CAMK4: variants seen among roughly 807,000 people sequenced by gnomAD.
CAMK4 encodes the protein calcium/calmodulin-dependent protein kinase type IV.
In CAMK4, 22 loss-of-function variants were observed where a neutral mutation model predicts 44.9. The observed-to-expected ratio is 0.49, with a 90% CI of 0.35 to 0.70. CAMK4 has a LOEUF of 0.70. Ranked by LOEUF, CAMK4 falls within the 30% of genes least tolerant of loss-of-function variation. The pLI, the probability that CAMK4 is intolerant of heterozygous loss-of-function variation, is 0.01. For missense variants in CAMK4, 498 were observed against 586.8 expected (o/e 0.85, Z 1.56); for synonymous variants, 218 against 215.4 (o/e 1.01, Z -0.11).
At chr5:111,265,654 G>A (rs1305866788) in intron 1 of CAMK4, among the ~76,000 whole-genome samples, 4 of 152,046 alleles carry the variant, frequency 2.6e-5, no homozygotes, top group Non-Finnish European at 4.4e-5. Context: ...CAATCTTCAA[G>A]GAATGCAAAA....
At chr5:111,264,034 C>A (rs1177234176) in intron 1 of CAMK4, among the ~76,000 whole-genome samples, 2 of 152,198 alleles carry the variant, frequency 1.3e-5, no homozygotes, top group African/African-American at 4.8e-5. Flanking sequence ...TTACTACTTT[C>A]CTAGGGCATT....
chr5:111,257,441 T>A (rs1749789893), intron 1 of CAMK4, among the ~76,000 whole-genome samples: 1 of 152,212 alleles, frequency 6.6e-6, no homozygotes, highest in Non-Finnish European at 1.5e-5. Flanking sequence ...CAAGACCACA[T>A]TGAGATATCA....
intron 4 of CAMK4, among the ~76,000 whole-genome samples, chr5:111,379,805 TATTTA>T (rs754021422): frequency 9.9e-5 from 15 of 152,130 alleles, no homozygotes; most frequent in Non-Finnish European, 2.1e-4. Context: ...AAAAAGGTTG[TATTTA>T]ATTAGCAAAA....
intron 5 of CAMK4, among the ~76,000 whole-genome samples, chr5:111,425,858 A>G (rs1317188107): frequency 1.3e-5 from 2 of 152,200 alleles, no homozygotes. Context: ...GAATTTTATT[A>G]ATAGCTTTGA....
intron 7 of CAMK4, among the ~76,000 whole-genome samples, chr5:111,461,813 TAAAAAA>T (rs3066731): frequency 1.0e-4 from 7 of 69,170 alleles, no homozygotes; most frequent in Non-Finnish European, 2.0e-4. Flanking sequence ...GCCTCTATAG[TAAAAAA>T]AAAAAAAAAA....
chr5:111,430,440 A>G (rs1298767022), intron 5 of CAMK4, among the ~76,000 whole-genome samples: 2 of 152,252 alleles, frequency 1.3e-5, no homozygotes, highest in Non-Finnish European at 2.9e-5. Context: ...GTTATTTAAC[A>G]TAGTACTGGC....
At chr5:111,228,504 T>TA (rs1364128075) in intron 1 of CAMK4, among the ~76,000 whole-genome samples, 1 of 108,500 alleles carries the variant, frequency 9.2e-6, no homozygotes, top group Non-Finnish European at 1.8e-5. Flanking sequence ...ATTTCCATAG[T>TA]AAGGGGTGTG....
intron 4 of CAMK4, among the ~76,000 whole-genome samples, chr5:111,387,348 A>G (rs940487718): frequency 2.0e-5 from 3 of 152,222 alleles, no homozygotes; most frequent in Non-Finnish European, 4.4e-5. Context: ...GCTAAATTGT[A>G]TAAAGAAATT....
chr5:111,460,265 CT>C (rs200566906), intron 7 of CAMK4, among the ~76,000 whole-genome samples: 4 of 122,714 alleles, frequency 3.3e-5, no homozygotes, highest in African/African-American at 1.2e-4. Context: ...CTTTTCTTTT[CT>C]TTTTCTTTTT....
intron 1 of CAMK4, among the ~76,000 whole-genome samples, chr5:111,332,864 C>T (rs1749230555): frequency 6.6e-6 from 1 of 151,718 alleles, no homozygotes; most frequent in Non-Finnish European, 1.5e-5. Context: ...AAAGAATATT[C>T]ATTAAATTTT....
At chr5:111,373,938 A>C (rs1320293166) in intron 2 of CAMK4, among the ~76,000 whole-genome samples, 1 of 152,156 alleles carries the variant, frequency 6.6e-6, no homozygotes, top group Non-Finnish European at 1.5e-5. Context: ...TTGTGATTAA[A>C]GGGGTCAATC....
Position 111,224,968 on chromosome 5 carries a change from T to C in CAMK4, c.161+324T>C, listed in dbSNP as rs1057140027. On this transcript the variant is annotated intron_variant, in intron 1 of 10. Coordinates refer to ENST00000282356, the MANE Select transcript of CAMK4 (RefSeq NM_001744.6). This position sits in a 1 kb window ranked among gnomAD's most constrained non-coding sequence, Gnocchi z 5.7. ...TCCCAATTGATATCTTTGCTCACGA[T>C]TATAGCTTGCCAGAGGGTCCTGTTT... Among the ~76,000 whole-genome samples, 2 of 151,946 alleles carry C rather than the reference T, an allele frequency of 1.3e-5. No homozygotes were observed. Among genetic ancestry groups the C allele is most frequent in the African/African-American group, 2.4e-5 (1 of 41,378 alleles).
intron 2 of CAMK4, among the ~76,000 whole-genome samples, chr5:111,374,154 G>A (rs1489012536): frequency 6.6e-6 from 1 of 152,118 alleles, no homozygotes; most frequent in Non-Finnish European, 1.5e-5. Flanking sequence ...ACTGAATCTA[G>A]GGGCTTAAAT....
At chr5:111,401,584 C>A (rs1752229790) in intron 5 of CAMK4, among the ~76,000 whole-genome samples, 1 of 151,820 alleles carries the variant, frequency 6.6e-6, no homozygotes, top group Non-Finnish European at 1.5e-5. Flanking sequence ...GATGAAATTG[C>A]AAAAGCTCCT....
Position 111,458,733 on chromosome 5 carries a change from T to A in CAMK4, c.625+9530T>A, listed in dbSNP as rs78962333. Among the ~76,000 whole-genome samples the A allele has an allele frequency of 5.1e-3, 779 of 152,108 alleles. 10 individuals are homozygous for A. Among genetic ancestry groups the A allele is most frequent in the African/African-American group, 0.017 (718 of 41,522 alleles). On this transcript the variant is annotated intron_variant, in intron 7 of 10. Transcript: ENST00000282356. Reference sequence around the variant, plus strand: ...AGAATGGAATATATAAGCAAAAATTTGAGAGAGGAGAGAGCAAACCACATA... The same window carrying A: ...AGAATGGAATATATAAGCAAAAATTAGAGAGAGGAGAGAGCAAACCACATA...
intron 2 of CAMK4, among the ~76,000 whole-genome samples, chr5:111,361,481 C>G (rs919082776): frequency 1.3e-5 from 2 of 151,922 alleles, no homozygotes; most frequent in Non-Finnish European, 2.9e-5. Flanking sequence ...ATTTAAAAAT[C>G]TTGGTCATAT....
chr5:111,472,055 G>C (rs994817546), intron 7 of CAMK4, among the ~76,000 whole-genome samples: 1 of 151,978 alleles, frequency 6.6e-6, no homozygotes, highest in Non-Finnish European at 1.5e-5. Context: ...ACCATGCCTG[G>C]CTAATTTTTT....
chr5:111,398,008 G>A (rs1580699890), intron 5 of CAMK4, among the ~76,000 whole-genome samples: 3 of 152,108 alleles, frequency 2.0e-5, no homozygotes, highest in Admixed American at 2.0e-4. Context: ...CAGGAAGAGT[G>A]TACTGTAAGG....
At chr5:111,240,813 T>C (rs1257153111) in intron 1 of CAMK4, among the ~76,000 whole-genome samples, 2 of 152,208 alleles carry the variant, frequency 1.3e-5, no homozygotes, top group African/African-American at 4.8e-5. Context: ...TATAGGGCAA[T>C]GCTAAGAGTC....
Sources: allele counts gnomAD v4.1 joint callset (sites outside exome capture counted in the v4.1 genomes callset), GRCh38; gene constraint gnomAD v4.1.1; non-coding constraint Gnocchi (gnomAD v3.1); transcripts MANE v1.5; gene names NCBI Gene and HGNC (gene_info 2026-07-23, HGNC 2026-07-21).